STX3: variants seen among roughly 807,000 people sequenced by gnomAD.
The protein encoded by STX3 is syntaxin 3, also known as syntaxin-3.
Under a neutral mutation model 40.2 loss-of-function variants are expected in STX3, and 19 were observed. The observed-to-expected ratio is 0.47, with a 90% CI of 0.33 to 0.69. The LOEUF (loss-of-function observed/expected upper bound fraction) is 0.69. Ranked by LOEUF, STX3 falls within the 30% of genes least tolerant of loss-of-function variation. The pLI, the probability that STX3 is intolerant of heterozygous loss-of-function variation, is 0.02. For synonymous variants in STX3, 122 were observed against 132.2 expected (o/e 0.92, Z 0.53); for missense variants, 364 against 366.7 (o/e 0.99, Z 0.06).
At chr11:59,770,022 T>G (rs1353923264) in intron 1 of STX3, among the ~76,000 whole-genome samples, 2 of 150,870 alleles carry the variant, frequency 1.3e-5, no homozygotes, top group Non-Finnish European at 3.0e-5. Context: ...GTGTGGAGTG[T>G]GTGTGTGTGG....
intron 2 of STX3, among the ~76,000 whole-genome samples, chr11:59,774,375 G>A (rs1030611412): frequency 2.6e-5 from 4 of 151,420 alleles, no homozygotes; most frequent in African/African-American, 7.3e-5. Flanking sequence ...GGAGTTTGAG[G>A]CTGCAGTGAG....
chr11:59,799,791 C>T (rs1865765617), intron 10 of STX3: 2 of 985,358 alleles, frequency 2.0e-6, no homozygotes, highest in Non-Finnish European at 2.4e-6. Flanking sequence ...GATGAACAAC[C>T]TCTCATAGAC....
At chr11:59,760,209 T>A (rs1862958163) in intron 1 of STX3, among the ~76,000 whole-genome samples, 1 of 152,140 alleles carries the variant, frequency 6.6e-6, no homozygotes, top group South Asian at 2.1e-4. Context: ...TCGGGGGAAT[T>A]GGCAGGAGCT....
chr11:59,802,312 T>C lies in STX3; in HGVS notation c.*1488T>C. On this transcript the variant is annotated 3_prime_UTR_variant, in exon 11 of 11. Coordinates refer to ENST00000337979, the MANE Select transcript of STX3 (RefSeq NM_004177.5). Reference sequence around the variant, plus strand: ...CCAGTGGTAAATCCCTTAGATCCCCTGCTGGTCTCTGGCAGTCTCCTTGAT... The same window carrying C: ...CCAGTGGTAAATCCCTTAGATCCCCCGCTGGTCTCTGGCAGTCTCCTTGAT... 1 of 985,504 alleles carries C rather than the reference T, an allele frequency of 1.0e-6. No individual in the cohort carries two copies. 61.0% of individuals were successfully genotyped at this position (985,504 alleles called of 1,614,324 possible).
rs1297300888 is a variant in STX3 at position 59,760,319 on chromosome 11, T to C, written c.30+4684T>C. Among the ~76,000 whole-genome samples the C allele has an allele frequency of 2.6e-5, 4 of 152,300 alleles. No homozygotes were observed. In the East Asian group the frequency reaches 7.7e-4, roughly 29 times the overall value. ...CCCATCTTCCAAAACTCATTTTTTA[T>C]AGGTAGTAGTGTTCTGTAACTGCAA... On this transcript the variant is annotated intron_variant, in intron 1 of 10. Coordinates refer to ENST00000337979, the MANE Select transcript of STX3 (RefSeq NM_004177.5).
At chr11:59,778,236 C>T (rs556672595) in intron 2 of STX3, among the ~76,000 whole-genome samples, 1 of 152,268 alleles carries the variant, frequency 6.6e-6, no homozygotes, top group South Asian at 2.1e-4. Flanking sequence ...CCACCAGAGT[C>T]AGAGCTCTAT....
At chr11:59,772,975 AC>A (rs144328958) in intron 1 of STX3, among the ~76,000 whole-genome samples, 405 of 35,942 alleles carry the variant, frequency 0.011, 2 homozygotes, top group African/African-American at 0.039. Context: ...CCTGAAAGAA[AC>A]ACACACACAC....
intron 2 of STX3, among the ~76,000 whole-genome samples, chr11:59,777,162 C>T (rs2134948185): frequency 6.6e-6 from 1 of 152,222 alleles, no homozygotes; most frequent in South Asian, 2.1e-4. Flanking sequence ...AGTAAGGTAC[C>T]ATGGGAGCAC....
In STX3 at chr11:59,803,042, A is replaced by G; in HGVS notation, c.*2218A>G. The G allele has an allele frequency of 6.1e-6, 6 of 985,454 alleles. No homozygotes were observed. The highest frequency in any genetic ancestry group is 7.2e-6 in the Non-Finnish European group (6 of 829,942). The allele number at this position is 985,454 out of a possible 1,614,324, so 61.0% of individuals were successfully genotyped here. ...TTAATCTAACTTGAATGTCTCACCA[A>G]AAATAACATTTCTGTTGGCATTCTG... is the stretch of plus-strand genomic sequence containing the variant. On this transcript the variant is annotated 3_prime_UTR_variant, in exon 11 of 11. Transcript: ENST00000337979.
At position 59,755,542 on chromosome 11, in the gene STX3, A is replaced by C. The variant is rs1164720582; in HGVS notation, c.-64A>C. The C allele has an allele frequency of 2.1e-5, 33 of 1,564,170 alleles. 1 individual carries two copies. The highest frequency in any genetic ancestry group is 3.5e-5 in the Admixed American group (2 of 56,864). On this transcript the variant is annotated 5_prime_UTR_variant, in exon 1 of 11. Coordinates refer to ENST00000337979, the MANE Select transcript of STX3 (RefSeq NM_004177.5). ...GCCGCTTCCGGCAGCTCACCTGGGAAGCGCTCACCTGGGACGCGCTCACCT... is the reference window on the plus strand; with the variant it reads ...GCCGCTTCCGGCAGCTCACCTGGGACGCGCTCACCTGGGACGCGCTCACCT...
intron 2 of STX3, among the ~76,000 whole-genome samples, chr11:59,774,762 C>T (rs111593475): frequency 1.9e-3 from 288 of 152,010 alleles, no homozygotes; most frequent in African/African-American, 6.3e-3. Flanking sequence ...ACCCAGGAGG[C>T]GTAGGTTGCA....
chr11:59,755,615 C>G lies in STX3; in HGVS notation c.10C>G (p.Arg4Gly). ...GCGCCTGGGCTTCAGGATGAAGGAC[C>G]GTCTGGAGCAGCTGAAGGCCGTGAG... The part of the protein sequence containing the change: MKD[R>G]LEQLKAKQLT... The change falls in exon 1 of 11, where the codon CGT becomes GGT. Residue 4 changes from arginine to glycine, a missense_variant. Arg to Gly is a moderately radical substitution (Grantham distance 125). Transcript: ENST00000337979. 6.3e-7 allele frequency: 1 copy of G among 1,594,786 alleles called. No individual in the cohort carries two copies. The highest frequency in any genetic ancestry group is 8.5e-7 in the Non-Finnish European group (1 of 1,176,536).
rs1251631977 is a variant in STX3, at chr11:59,804,516, A to G, written c.*3692A>G. ...GGTACCAATGAGAACGTGGTTTGTT[A>G]CTGTCAGAGGCTGTGTAAAGCCGCT... On this transcript the variant is annotated 3_prime_UTR_variant, in exon 11 of 11. Coordinates refer to ENST00000337979, the MANE Select transcript of STX3 (RefSeq NM_004177.5). 6.6e-6 allele frequency: 1 copy of G among 152,198 alleles called. No homozygotes were observed. Among genetic ancestry groups the G allele is most frequent in the African/African-American group, 2.4e-5 (1 of 41,446 alleles). 9.4% of individuals were successfully genotyped at this position (152,198 alleles called of 1,614,324 possible).
chr11:59,775,038 G>C (rs552902433), intron 2 of STX3, among the ~76,000 whole-genome samples: 1 of 152,316 alleles, frequency 6.6e-6, no homozygotes, highest in East Asian at 1.9e-4. Flanking sequence ...TTTTTGCAGA[G>C]AGAATGTGAT....
In STX3 at chr11:59,801,865, A is replaced by G; in HGVS notation, c.*1041A>G. On this transcript the variant is annotated 3_prime_UTR_variant, in exon 11 of 11. Coordinates refer to ENST00000337979, the MANE Select transcript of STX3 (RefSeq NM_004177.5). ...TTTGAGCTAGGATAAAAATTGGGTA[A>G]AGGACATTTGCTTACCTGCAAATGA... The G allele has an allele frequency of 2.0e-6, 2 of 985,620 alleles. No homozygotes were observed. Among genetic ancestry groups the G allele is most frequent in the African/African-American group, 1.7e-5 (1 of 57,340 alleles). 61.1% of individuals were successfully genotyped at this position (985,620 alleles called of 1,614,324 possible). A position where few individuals can be genotyped will look rare whatever the true frequency, so the allele number is the denominator to read the frequency against.
chr11:59,795,516 T>C (rs1865460970), intron 9 of STX3, 34 bp downstream of exon 9: 2 of 1,587,668 alleles, frequency 1.3e-6, no homozygotes, highest in African/African-American at 1.3e-5. Flanking sequence ...GAGAAGAGAG[T>C]CCATTTTGTT....
intron 10 of STX3, 95 bp downstream of exon 10, chr11:59,797,491 T>C: frequency 2.2e-6 from 2 of 913,564 alleles, no homozygotes; most frequent in Non-Finnish European, 3.4e-6. Flanking sequence ...CCCCTATGAT[T>C]GTCCTTGGAC....
At chr11:59,795,578 A>C (rs1464676687) in intron 9 of STX3, 96 bp downstream of exon 9, 2 of 1,545,822 alleles carry the variant, frequency 1.3e-6, no homozygotes, top group Non-Finnish European at 1.7e-6. Flanking sequence ...TTCTGCTGCC[A>C]CCACCTCTTG....
rs1031659634 is a variant in STX3 at position 59,757,341 on chromosome 11, A to G, written c.30+1706A>G. Among the ~76,000 whole-genome samples the G allele has an allele frequency of 3.3e-5, 5 of 152,332 alleles. No individual in the cohort carries two copies. In the South Asian group the frequency reaches 1.0e-3, roughly 32 times the overall value. ...GCACACCCAGCAACCATAAAAAAGT[A>G]CAAAACTGAACAGCAGGCTCTTCCA... On this transcript the variant is annotated intron_variant, in intron 1 of 10. Transcript: ENST00000337979.
Sources: allele counts gnomAD v4.1 joint callset (sites outside exome capture counted in the v4.1 genomes callset), GRCh38; gene constraint gnomAD v4.1.1; transcripts MANE v1.5; gene names NCBI Gene and HGNC (gene_info 2026-07-23, HGNC 2026-07-21).